RNF13: variants seen among roughly 807,000 people sequenced by gnomAD.
RNF13 encodes the protein E3 ubiquitin-protein ligase RNF13.
Under a neutral mutation model 37.7 loss-of-function variants are expected in RNF13, and 19 were observed. That is an observed-to-expected ratio of 0.50 (90% CI 0.35 to 0.74). The LOEUF (loss-of-function observed/expected upper bound fraction) is 0.74. RNF13 is among the 30% of genes least tolerant of loss of function. RNF13 has a pLI of 0.01. For synonymous variants in RNF13, 144 were observed against 157.8 expected (o/e 0.91, Z 0.65); for missense variants, 375 against 453.0 (o/e 0.83, Z 1.56).
Position 149,961,116 on chromosome 3 carries a change from T to C in RNF13, c.*12T>C. On this transcript the variant is annotated 3_prime_UTR_variant, in exon 10 of 10. Coordinates refer to ENST00000392894, the MANE Select transcript of RNF13 (RefSeq NM_183381.3). ...CAAATACTGTTTGACTTTCAGAAGA[T>C]GATTGGTTTATTTCCCTTTAAAATG... 6.3e-7 allele frequency: 1 copy of C among 1,584,344 alleles called. No homozygotes were observed. The highest frequency in any genetic ancestry group is 8.6e-7 in the Non-Finnish European group (1 of 1,164,496).
At chr3:149,818,640 C>T (rs578047180) in intron 1 of RNF13, among the ~76,000 whole-genome samples, 19 of 152,298 alleles carry the variant, frequency 1.2e-4, no homozygotes, top group Middle Eastern at 3.4e-3. Context: ...CGGCTGGGCA[C>T]TGTGGCTCAT....
intron 1 of RNF13, 54 bp from the exon 2 acceptor site, chr3:149,845,957 C>CTA (rs1167604395): frequency 6.7e-6 from 6 of 895,982 alleles, no homozygotes; most frequent in Non-Finnish European, 1.1e-5. Context: ...ATCAAATGAT[C>CTA]TATTCCCTGG....
Position 149,921,140 on chromosome 3 carries a change from A to G in RNF13, c.613A>G (p.Lys205Glu), listed in dbSNP as rs771241791. The G allele has an allele frequency of 7.4e-7, 1 of 1,350,812 alleles. No individual in the cohort carries two copies. The highest frequency in any genetic ancestry group is 9.7e-7 in the Non-Finnish European group (1 of 1,025,746). 83.7% of individuals were successfully genotyped at this position (1,350,812 alleles called of 1,614,324 possible). A position where few individuals can be genotyped will look rare whatever the true frequency, so the allele number is the denominator to read the frequency against. The change falls in exon 8 of 10, where the codon AAA (lysine) becomes GAA (glutamate). Residue 205 changes from lysine to glutamate, a missense_variant. Lys to Glu is a moderately conservative substitution (Grantham distance 56). Coordinates refer to ENST00000392894, the MANE Select transcript of RNF13 (RefSeq NM_183381.3). ...LILIVIFMIT[K>E]FVQDRHRARR... ...TTTACTCTTTTATTTTTAGATCACA[A>G]AATTTGTCCAGGATAGACATAGAGC...
rs561711703 is a variant in RNF13, at chr3:149,895,844, GA to G, written c.409+286del. 5.8e-4 allele frequency among the ~76,000 whole-genome samples: 88 copies of G among 152,246 alleles called. 1 individual carries two copies. The highest frequency in any genetic ancestry group is 2.1e-3 in the African/African-American group (86 of 41,562). On this transcript the variant is annotated intron_variant, in intron 5 of 9. Coordinates refer to ENST00000392894, the MANE Select transcript of RNF13 (RefSeq NM_183381.3). ...AATAGGGATAAACATGCTGAGTTAAGAATGCCATAGAGGGTGTTTTGTAATT... is the reference window on the plus strand; with the variant it reads ...AATAGGGATAAACATGCTGAGTTAAGATGCCATAGAGGGTGTTTTGTAATT...
At chr3:149,919,214 G>A (rs1717866092) in intron 7 of RNF13, among the ~76,000 whole-genome samples, 1 of 152,100 alleles carries the variant, frequency 6.6e-6, no homozygotes, top group South Asian at 2.1e-4. Flanking sequence ...AAGTTTTGAT[G>A]TAGGTTTATA....
At chr3:149,816,134 A>G (rs190474120) in intron 1 of RNF13, among the ~76,000 whole-genome samples, 73 of 150,992 alleles carry the variant, frequency 4.8e-4, no homozygotes, top group African/African-American at 1.7e-3. Context: ...TTTAGGGTTC[A>G]AGTCATCCAC....
chr3:149,845,503 T>G (rs1290391527), intron 1 of RNF13, among the ~76,000 whole-genome samples: 7 of 152,170 alleles, frequency 4.6e-5, no homozygotes, highest in Admixed American at 4.6e-4. Context: ...CAAAAAGTAT[T>G]CCTTTATTAT....
At position 149,832,149 on chromosome 3, in the gene RNF13, C is replaced by T. The variant is rs537816634; in HGVS notation, c.-16-13862C>T. 1.7e-4 allele frequency among the ~76,000 whole-genome samples: 26 copies of T among 151,968 alleles called. 1 individual carries two copies. The South Asian group carries it at 3.7e-3, about 22-fold the overall frequency. ...TTGAAATTACTCTGCCTATTCTGTT[C>T]GCAAATTAGGAAAAGATAACAATTC... On this transcript the variant is annotated intron_variant, in intron 1 of 9. Coordinates refer to ENST00000392894, the MANE Select transcript of RNF13 (RefSeq NM_183381.3).
At chr3:149,936,356 G>A (rs1279673036) in intron 8 of RNF13, among the ~76,000 whole-genome samples, 1 of 151,794 alleles carries the variant, frequency 6.6e-6, no homozygotes, top group Non-Finnish European at 1.5e-5. Context: ...TGTCTTGAAG[G>A]CCAATGACTC....
chr3:149,840,869 C>T (rs967369205), intron 1 of RNF13, among the ~76,000 whole-genome samples: 4 of 152,268 alleles, frequency 2.6e-5, no homozygotes, highest in Non-Finnish European at 5.9e-5. Context: ...TTCAGATAAA[C>T]CTTTCATACC....
Position 149,952,192 on chromosome 3 carries a change from C to T in RNF13, c.701-7864C>T, listed in dbSNP as rs185414968. 1.5e-3 allele frequency among the ~76,000 whole-genome samples: 229 copies of T among 152,220 alleles called. 1 individual carries two copies. In the Middle Eastern group the frequency reaches 0.02, roughly 14 times the overall value. On this transcript the variant is annotated intron_variant, in intron 8 of 9. Coordinates refer to ENST00000392894, the MANE Select transcript of RNF13 (RefSeq NM_183381.3). ...ATCCATTTATATTTCTGCTTTAAAA[C>T]CTGGCATGCCCTTTGTTCACATTTC...
At chr3:149,894,378 C>CT (rs1258679936) in intron 4 of RNF13, among the ~76,000 whole-genome samples, 1 of 152,140 alleles carries the variant, frequency 6.6e-6, no homozygotes, top group Non-Finnish European at 1.5e-5. Flanking sequence ...ATTGCACATC[C>CT]TTTTTACATT....
intron 5 of RNF13, among the ~76,000 whole-genome samples, chr3:149,899,102 C>T (rs1715557319): frequency 6.6e-6 from 1 of 152,036 alleles, no homozygotes; most frequent in African/African-American, 2.4e-5. Context: ...AGCCAGGGGT[C>T]AAATATGATG....
intron 4 of RNF13, among the ~76,000 whole-genome samples, chr3:149,877,819 A>G (rs995304933): frequency 2.6e-5 from 4 of 152,146 alleles, no homozygotes; most frequent in Admixed American, 6.5e-5. Context: ...AGGATATTCG[A>G]TGGATGGAAA....
intron 1 of RNF13, among the ~76,000 whole-genome samples, chr3:149,838,518 T>C (rs888949535): frequency 3.3e-5 from 5 of 152,208 alleles, no homozygotes; most frequent in Admixed American, 2.6e-4. Context: ...ACCTGCAGGC[T>C]CAATACCACG....
intron 1 of RNF13, among the ~76,000 whole-genome samples, chr3:149,821,354 C>T (rs1404690409): frequency 6.6e-6 from 1 of 152,098 alleles, no homozygotes; most frequent in African/African-American, 2.4e-5. Context: ...ATTATAATTG[C>T]CATCCTTATG....
In RNF13 at chr3:149,895,419, C is replaced by G; in HGVS notation, c.322-54C>G. ...AGTTTTTATAATCAATTGTAAAAGA[C>G]AAACCACTGTCTTCCTTATAACATA... On this transcript the variant is annotated intron_variant, in intron 4 of 9. Transcript: ENST00000392894. 3 of 1,101,690 alleles carry G rather than the reference C, an allele frequency of 2.7e-6. No homozygotes were observed. The East Asian group carries it at 7.3e-5, about 27-fold the overall frequency. 68.2% of individuals were successfully genotyped at this position (1,101,690 alleles called of 1,614,324 possible).
Position 149,953,637 on chromosome 3 carries a change from T to G in RNF13, c.701-6419T>G, listed in dbSNP as rs142128564. ...GACCAAAAATTCTACATACATAACC[T>G]AGGAGGCAATATAATACAACATAAC... On this transcript the variant is annotated intron_variant, in intron 8 of 9. Transcript: ENST00000392894. Among the ~76,000 whole-genome samples, 74 of 152,274 alleles carry G rather than the reference T, an allele frequency of 4.9e-4. No homozygotes were observed. The East Asian group carries it at 0.01, about 21-fold the overall frequency.
intron 3 of RNF13, among the ~76,000 whole-genome samples, chr3:149,862,227 A>C (rs1724332224): frequency 6.6e-6 from 1 of 152,132 alleles, no homozygotes; most frequent in Admixed American, 6.5e-5. Flanking sequence ...TTGGACATTT[A>C]GATTGCTTTC....
Sources: allele counts gnomAD v4.1 joint callset (sites outside exome capture counted in the v4.1 genomes callset), GRCh38; gene constraint gnomAD v4.1.1; transcripts MANE v1.5; gene names NCBI Gene and HGNC (gene_info 2026-07-23, HGNC 2026-07-21).